The following EVA1A variants were observed in gnomAD, a reference collection of about 807,000 sequenced individuals.
EVA1A encodes the protein eva-1 homolog A, regulator of programmed cell death.
A neutral mutation model predicts 9.8 loss-of-function variants in EVA1A; 7 were observed. That is an observed-to-expected ratio of 0.71 (90% CI 0.41 to 1.34). The LOEUF (loss-of-function observed/expected upper bound fraction) is 1.34, where lower values mean the gene tolerates loss of function less well. Ranked by LOEUF, EVA1A falls within the 40% of genes most tolerant of loss-of-function variation. EVA1A has a pLI of 0.01. For synonymous variants in EVA1A, 90 were observed against 85.6 expected (o/e 1.05, Z -0.28); for missense variants, 206 against 205.9 (o/e 1.00, Z 0.00).
At chr2:75,501,009 A>G (rs1352823303) in intron 3 of EVA1A, among the ~76,000 whole-genome samples, 1 of 147,604 alleles carries the variant, frequency 6.8e-6, no homozygotes, top group Non-Finnish European at 1.5e-5. Context: ...CCTATTATTT[A>G]CCTTATTACT....
intron 3 of EVA1A, among the ~76,000 whole-genome samples, chr2:75,506,726 T>C (rs541955188): frequency 3.9e-4 from 59 of 152,178 alleles, no homozygotes; most frequent in Non-Finnish European, 7.9e-4. Context: ...CAAGAGAATG[T>C]GTAAGAACTA....
chr2:75,553,930 C>T (rs1676613308), intron 1 of EVA1A, among the ~76,000 whole-genome samples: 1 of 152,204 alleles, frequency 6.6e-6, no homozygotes, highest in South Asian at 2.1e-4. Context: ...AGAAGGATGC[C>T]ACTGTCAGAG....
At chr2:75,505,656 C>CA (rs980063519) in intron 3 of EVA1A, among the ~76,000 whole-genome samples, 6 of 151,804 alleles carry the variant, frequency 4.0e-5, no homozygotes, top group Admixed American at 6.6e-5. Flanking sequence ...ACTAAAAATA[C>CA]AAAAAAATTT....
intron 1 of EVA1A, among the ~76,000 whole-genome samples, chr2:75,524,515 G>C (rs1178036998): frequency 6.6e-6 from 1 of 152,008 alleles, no homozygotes; most frequent in African/African-American, 2.4e-5. Flanking sequence ...CCTCCCTACA[G>C]GCTAGTGCTT....
chr2:75,541,749 T>C (rs979898674), intron 1 of EVA1A: 2 of 152,542 alleles, frequency 1.3e-5, no homozygotes, highest in Non-Finnish European at 2.9e-5. Context: ...GTTCATAGTA[T>C]CCTGAGGATT....
chr2:75,569,486 A>C (rs955301317), exon 1 of EVA1A: 1 of 152,398 alleles, frequency 6.6e-6, no homozygotes, highest in South Asian at 2.1e-4. Context: ...CTTTGTGATC[A>C]TTCCTCCTCT....
At chr2:75,559,774 A>C (rs1258593878) in intron 1 of EVA1A, among the ~76,000 whole-genome samples, 2 of 150,960 alleles carry the variant, frequency 1.3e-5, no homozygotes, top group Admixed American at 1.3e-4. Context: ...GCTGGACTTG[A>C]AGTGTATGTG....
chr2:75,525,489 T>C (rs1004729440), intron 1 of EVA1A, among the ~76,000 whole-genome samples: 1 of 152,236 alleles, frequency 6.6e-6, no homozygotes, highest in South Asian at 2.1e-4. Flanking sequence ...ACAATCAGCT[T>C]TGTGCTTCTA....
At chr2:75,559,707 G>GGGGGGGGGGGGGGGT (rs1676851149) in intron 1 of EVA1A, among the ~76,000 whole-genome samples, 1 of 124,904 alleles carries the variant, frequency 8.0e-6, no homozygotes, top group African/African-American at 3.0e-5. Flanking sequence ...TGGGGGGGGG[G>GGGGGGGGGGGGGGGT]CGGGGGAGTT....
intron 1 of EVA1A, among the ~76,000 whole-genome samples, chr2:75,530,165 C>T (rs1279088338): frequency 1.3e-5 from 2 of 152,012 alleles, no homozygotes; most frequent in Non-Finnish European, 2.9e-5. Context: ...TGAATAAATT[C>T]CTGGAAATAC....
intron 3 of EVA1A, among the ~76,000 whole-genome samples, chr2:75,505,955 C>T (rs1275791899): frequency 2.0e-5 from 3 of 152,234 alleles, no homozygotes; most frequent in Middle Eastern, 6.8e-3. Context: ...TTCACATTTA[C>T]CTGCTTATAG....
chr2:75,530,797 T>G (rs1051559307), intron 1 of EVA1A, among the ~76,000 whole-genome samples: 1 of 152,180 alleles, frequency 6.6e-6, no homozygotes, highest in Admixed American at 6.5e-5. Context: ...GCCAACATTA[T>G]ACTGAATGTG....
intron 1 of EVA1A, among the ~76,000 whole-genome samples, chr2:75,566,847 A>T (rs375551119): frequency 0.021 from 3,109 of 151,552 alleles, 90 homozygotes; most frequent in African/African-American, 0.064. Flanking sequence ...TTGCTTCTTT[A>T]TTTTTTTTTC....
At chr2:75,544,192 A>C (rs1676242816) in intron 1 of EVA1A, among the ~76,000 whole-genome samples, 1 of 152,226 alleles carries the variant, frequency 6.6e-6, no homozygotes, top group Non-Finnish European at 1.5e-5. Flanking sequence ...GTTCGGATCC[A>C]TGCAAGTATT....
At chr2:75,549,884 A>C (rs573024627) in intron 1 of EVA1A, among the ~76,000 whole-genome samples, 2 of 152,124 alleles carry the variant, frequency 1.3e-5, no homozygotes, top group Non-Finnish European at 2.9e-5. Flanking sequence ...ATTTCAACCA[A>C]AGCAAATATT....
rs200955446 is a variant in EVA1A, at chr2:75,527,624, A to G, written c.-191-5137T>C. Among the ~76,000 whole-genome samples, 17 of 152,374 alleles carry G rather than the reference A, an allele frequency of 1.1e-4. No homozygotes were observed. In the East Asian group the frequency reaches 2.5e-3, roughly 22 times the overall value. On this transcript the variant is annotated intron_variant, in intron 1 of 3. Coordinates refer to ENST00000393913, the MANE Select transcript of EVA1A (RefSeq NM_001135032.2). ...TATCTGGCAAAGATTTTTAAACACC[A>G]TGATTTTAAAAATACTTCAACAAGC...
intron 1 of EVA1A, chr2:75,540,668 T>C (rs570015986): frequency 6.6e-6 from 1 of 152,330 alleles, no homozygotes; most frequent in South Asian, 2.1e-4. Context: ...TGATTGAAGA[T>C]GTTTAACTAA....
intron 1 of EVA1A, among the ~76,000 whole-genome samples, chr2:75,544,087 A>T (rs182288437): frequency 5.8e-4 from 89 of 152,358 alleles, no homozygotes; most frequent in African/African-American, 2.1e-3. Context: ...CCGCTTCAGA[A>T]TAAAGGTTCT....
intron 1 of EVA1A, chr2:75,558,529 G>A (rs1001938534): frequency 2.0e-5 from 3 of 151,848 alleles, no homozygotes; most frequent in African/African-American, 7.3e-5. Flanking sequence ...GGGGAGAGGG[G>A]AGGCTGAGGC....
Sources: allele counts gnomAD v4.1 joint callset (sites outside exome capture counted in the v4.1 genomes callset), GRCh38; gene constraint gnomAD v4.1.1; transcripts MANE v1.5; gene names NCBI Gene and HGNC (gene_info 2026-07-23, HGNC 2026-07-21).